Variants in IL1RAPL1 observed in about 807,000 individuals in gnomAD.
IL1RAPL1 encodes interleukin 1 receptor accessory protein like 1, also known as interleukin-1 receptor accessory protein-like 1.
A neutral mutation model predicts 48.4 loss-of-function variants in IL1RAPL1; 3 were observed. The ratio of observed to expected loss-of-function variants is 0.06; its 90% CI spans 0.03 to 0.16. The LOEUF (loss-of-function observed/expected upper bound fraction) is 0.16, where lower values mean the gene tolerates loss of function less well. Among genes scored for constraint, IL1RAPL1 ranks in the 10% least tolerant of loss-of-function variants. IL1RAPL1 has a pLI of 1.00. For synonymous variants in IL1RAPL1, 185 were observed against 187.7 expected (o/e 0.99, Z 0.12); for missense variants, 349 against 530.6 (o/e 0.66, Z 3.36).
Position 28,767,738 on chromosome X carries a change from T to A in IL1RAPL1, c.-24-21582T>A, listed in dbSNP as rs1034810977. Among the ~76,000 whole-genome samples the A allele has an allele frequency of 1.5e-4, 16 of 109,621 alleles. No individual in the cohort carries two copies. In the Admixed American group the frequency reaches 1.6e-3, roughly 11 times the overall value. On this transcript the variant is annotated intron_variant, in intron 1 of 10. Transcript: ENST00000378993. ...GGATGTGTGTGTGTGTGTGTGTGTGTGTGTGTGCATGCACATGTGTGTTCA... is the reference window on the plus strand; with the variant it reads ...GGATGTGTGTGTGTGTGTGTGTGTGAGTGTGTGCATGCACATGTGTGTTCA...
At chrX:28,602,676 C>T (rs771564515) in intron 1 of IL1RAPL1, among the ~76,000 whole-genome samples, 1 of 112,105 alleles carries the variant, frequency 8.9e-6, no homozygotes, top group South Asian at 3.7e-4. Context: ...CTTCTTTGGA[C>T]TCTTCCAATG....
At chrX:29,700,016 T>A (rs1329299073) in intron 6 of IL1RAPL1, among the ~76,000 whole-genome samples, 1 of 111,855 alleles carries the variant, frequency 8.9e-6, no homozygotes, top group Non-Finnish European at 1.9e-5. Flanking sequence ...ACTTGGTATC[T>A]CTTTTTGTGA....
At chrX:28,632,246 C>T (rs1934409727) in intron 1 of IL1RAPL1, among the ~76,000 whole-genome samples, 1 of 111,524 alleles carries the variant, frequency 9.0e-6, no homozygotes, top group African/African-American at 3.3e-5. Flanking sequence ...TGCCTTCTCA[C>T]TGTGTCTTTA....
intron 1 of IL1RAPL1, among the ~76,000 whole-genome samples, chrX:28,722,003 T>C (rs1307155755): frequency 1.8e-5 from 2 of 111,611 alleles, no homozygotes; most frequent in African/African-American, 6.5e-5. Flanking sequence ...TGTAGCCTTG[T>C]AGTATAGTTT....
chrX:29,382,383 G>GAGAAC (rs1348415342), intron 3 of IL1RAPL1, among the ~76,000 whole-genome samples: 1 of 112,049 alleles, frequency 8.9e-6, no homozygotes, highest in Non-Finnish European at 1.9e-5. Context: ...TGTTTCCTAT[G>GAGAAC]AGAAGAACAT....
intron 6 of IL1RAPL1, among the ~76,000 whole-genome samples, chrX:29,785,872 TG>T (rs1015884564): frequency 9.0e-6 from 1 of 111,206 alleles, no homozygotes; most frequent in Non-Finnish European, 1.9e-5. Flanking sequence ...CGTCTGCTCA[TG>T]GGGGAATCTT....
Position 29,445,336 on chromosome X carries a change from C to G in IL1RAPL1, c.703+46028C>G, listed in dbSNP as rs1934600051. On this transcript the variant is annotated intron_variant, in intron 5 of 10. Coordinates refer to ENST00000378993, the MANE Select transcript of IL1RAPL1 (RefSeq NM_014271.4). The stretch of plus-strand genomic sequence containing the variant: ...GCTTAATAGTCTCAAAAAGTGAACA[C>G]TCCAGTCTTCACTCTGTATAGATTC... Among the ~76,000 whole-genome samples the G allele has an allele frequency of 2.7e-5, 3 of 111,799 alleles. No homozygotes were observed. In the Admixed American group the frequency reaches 2.9e-4, roughly 11 times the overall value.
chrX:29,406,441 A>G (rs2143169), intron 5 of IL1RAPL1, among the ~76,000 whole-genome samples: 41,423 of 109,215 alleles, frequency 0.38, 6,595 homozygotes, highest in Middle Eastern at 0.54. Flanking sequence ...TAACATTGCA[A>G]TCTCTCTTCT....
At chrX:29,906,498 T>TATATATATTTC (rs1932631450) in intron 6 of IL1RAPL1, among the ~76,000 whole-genome samples, 8 of 50,797 alleles carry the variant, frequency 1.6e-4, no homozygotes, top group Admixed American at 2.2e-4. Flanking sequence ...TATATATATA[T>TATATATATTTC]ATATATATAT....
chrX:28,933,357 A>T (rs1923935601), intron 2 of IL1RAPL1, among the ~76,000 whole-genome samples: 3 of 111,609 alleles, frequency 2.7e-5, no homozygotes, highest in African/African-American at 6.5e-5. Flanking sequence ...CAGTTTTCTG[A>T]AACTGTGTAA....
intron 6 of IL1RAPL1, among the ~76,000 whole-genome samples, chrX:29,766,342 A>AAATATATATAT (rs1200679211): frequency 3.6e-4 from 17 of 47,507 alleles, no homozygotes; most frequent in African/African-American, 1.4e-3. Context: ...AAAAAAAAAA[A>AAATATATATAT]ATATATATAT....
At chrX:29,829,535 A>C (rs1391954268) in intron 6 of IL1RAPL1, among the ~76,000 whole-genome samples, 1 of 111,273 alleles carries the variant, frequency 9.0e-6, no homozygotes, top group Non-Finnish European at 1.9e-5. Context: ...GGCACTGACT[A>C]TCCATAACAG....
intron 3 of IL1RAPL1, among the ~76,000 whole-genome samples, chrX:29,300,976 A>C (rs1932525463): frequency 1.8e-5 from 2 of 112,149 alleles, no homozygotes; most frequent in South Asian, 7.4e-4. Context: ...ATTAGAGTTT[A>C]AGATCTTTAA....
rs753615750 is a variant in IL1RAPL1 at position 29,182,099 on chromosome X, G to C, written c.83-100839G>C. 3.1e-4 allele frequency among the ~76,000 whole-genome samples: 28 copies of C among 90,347 alleles called. No homozygotes were observed. The East Asian group carries it at 0.013, about 43-fold the overall frequency. 78.5% of individuals were successfully genotyped at this position (90,347 alleles called of 115,157 possible). ...TGTTATTAGAGAGTTGGAACTTTTA[G>C]CCTTGCCCCCCCCCACCCCATGCCT... On this transcript the variant is annotated intron_variant, in intron 2 of 10. Coordinates refer to ENST00000378993, the MANE Select transcript of IL1RAPL1 (RefSeq NM_014271.4).
chrX:28,842,648 G>A (rs867552723), intron 2 of IL1RAPL1, among the ~76,000 whole-genome samples: 14 of 111,372 alleles, frequency 1.3e-4, no homozygotes, highest in Middle Eastern at 4.6e-3. Flanking sequence ...GTCAATATTC[G>A]TTGAAGGAAT....
chrX:29,683,517 T>C (rs771010641), intron 6 of IL1RAPL1, among the ~76,000 whole-genome samples: 7 of 112,522 alleles, frequency 6.2e-5, no homozygotes, highest in African/African-American at 2.3e-4. Flanking sequence ...TCTCATTTCA[T>C]CTTTTCAACA....
intron 1 of IL1RAPL1, among the ~76,000 whole-genome samples, chrX:28,704,351 C>A (rs1046071924): frequency 5.6e-5 from 6 of 107,494 alleles, no homozygotes; most frequent in African/African-American, 2.0e-4. Flanking sequence ...AATTTCATCA[C>A]GTTCCCTCAG....
chrX:29,412,727 C>T (rs758745786), intron 5 of IL1RAPL1, among the ~76,000 whole-genome samples: 1 of 112,014 alleles, frequency 8.9e-6, no homozygotes, highest in Non-Finnish European at 1.9e-5. Flanking sequence ...GACCAAGCAT[C>T]TAAGGGTTGT....
intron 1 of IL1RAPL1, among the ~76,000 whole-genome samples, chrX:28,724,285 G>A (rs4543710): frequency 0.028 from 3,120 of 111,306 alleles, 111 homozygotes; most frequent in African/African-American, 0.097. Context: ...CTCCTGTATT[G>A]GGTGCATATA....
Sources: allele counts gnomAD v4.1 joint callset (sites outside exome capture counted in the v4.1 genomes callset), GRCh38; gene constraint gnomAD v4.1.1; transcripts MANE v1.5; gene names NCBI Gene and HGNC (gene_info 2026-07-23, HGNC 2026-07-21).